WDR3: variants seen among roughly 807,000 people sequenced by gnomAD.
WDR3 encodes the protein WD repeat domain 3.
WDR3 carries 81 observed loss-of-function variants against 123.7 expected under a neutral mutation model. That is an observed-to-expected ratio of 0.65 (90% CI 0.55 to 0.79). The LOEUF (loss-of-function observed/expected upper bound fraction) is 0.79. WDR3 is among the 30% of genes least tolerant of loss of function. The probability of loss-of-function intolerance (pLI) is 0.00; values close to 1 mark genes in which losing one functional copy is unlikely to be tolerated. For missense variants in WDR3, 1,027 were observed against 1,123.2 expected, an observed-to-expected ratio of 0.91 and a Z score of 1.22; for synonymous variants, 390 against 388.8, an observed-to-expected ratio of 1.00 and a Z score of -0.04.
In WDR3 at chr1:117,966,461, A is replaced by C; in HGVS notation, c.*7014A>C. The stretch of plus-strand genomic sequence containing the variant: ...ATTTGGCTAGGTGCTTTCAAAGATG[A>C]ATGAAGATGCTCTTTGTCTTAATAA... On this transcript the variant is annotated 3_prime_UTR_variant, in exon 27 of 27. Coordinates refer to ENST00000349139, the MANE Select transcript of WDR3 (RefSeq NM_006784.3). The C allele has an allele frequency of 1.3e-6, 1 of 767,194 alleles. No homozygotes were observed. Among genetic ancestry groups the C allele is most frequent in the Non-Finnish European group, 1.9e-6 (1 of 519,772 alleles). 47.5% of individuals were successfully genotyped at this position (767,194 alleles called of 1,614,324 possible). A position where few individuals can be genotyped will look rare whatever the true frequency, so the allele number is the denominator to read the frequency against.
chr1:117,956,417 C>G (rs1360109940), intron 24 of WDR3, among the ~76,000 whole-genome samples: 2 of 152,086 alleles, frequency 1.3e-5, no homozygotes, highest in Non-Finnish European at 2.9e-5. Context: ...ATATTCCTTA[C>G]AAGAAACAAC....
intron 6 of WDR3, among the ~76,000 whole-genome samples, chr1:117,939,834 C>G (rs1651078526): frequency 6.6e-6 from 1 of 152,156 alleles, no homozygotes; most frequent in African/African-American, 2.4e-5. Flanking sequence ...TATTCTTGGA[C>G]CTTTGGGTGT....
intron 1 of WDR3, among the ~76,000 whole-genome samples, chr1:117,931,304 T>A (rs949294235): frequency 5.3e-5 from 8 of 152,376 alleles, no homozygotes; most frequent in African/African-American, 1.9e-4. Context: ...TAGCTCGGTT[T>A]CATTAATTGC....
intron 5 of WDR3, 109 bp downstream of exon 5, chr1:117,938,667 T>A: frequency 1.1e-6 from 1 of 897,262 alleles, no homozygotes; most frequent in Non-Finnish European, 1.7e-6. Context: ...ACACAGTAAT[T>A]ATCATATGCC....
chr1:117,947,877 T>G (rs1457706572), intron 12 of WDR3, among the ~76,000 whole-genome samples: 1 of 152,156 alleles, frequency 6.6e-6, no homozygotes, highest in Non-Finnish European at 1.5e-5. Flanking sequence ...TTGCTTTCTA[T>G]GCCATTATGA....
chr1:117,933,687 C>T (rs1650817091), intron 2 of WDR3, 197 bp downstream of exon 2: 1 of 677,156 alleles, frequency 1.5e-6, no homozygotes, highest in Non-Finnish European at 2.6e-6. Flanking sequence ...TTCTGAAAAC[C>T]ACAATGAAAT....
chr1:117,946,122 A>G lies in WDR3; in HGVS notation c.1365A>G (p.Glu455=). The change falls in exon 12 of 27, where the codon GAA becomes GAG. Residue 455 remains glutamate, a synonymous_variant. Coordinates refer to ENST00000349139, the MANE Select transcript of WDR3 (RefSeq NM_006784.3). ...AGTGTATTCGCACAATGACCTGTGAATATGCACTTTGCTCATTCTTTGTAC... is the reference window on the plus strand; with the variant it reads ...AGTGTATTCGCACAATGACCTGTGAGTATGCACTTTGCTCATTCTTTGTAC... The part of the protein sequence containing the change: ...TLQCIRTMTC[E]YALCSFFVPG... 1.2e-6 allele frequency: 2 copies of G among 1,613,300 alleles called. No homozygotes were observed. The highest frequency in any genetic ancestry group is 1.7e-6 in the Non-Finnish European group (2 of 1,179,508).
chr1:117,948,529 C>G, intron 13 of WDR3, 23 bp downstream of exon 13: 1 of 1,594,904 alleles, frequency 6.3e-7, no homozygotes, highest in East Asian at 2.2e-5. Flanking sequence ...GATTTTAAAG[C>G]CCTGGAGTTC....
In WDR3 at chr1:117,933,280, A is replaced by G. The variant is rs757990553; in HGVS notation, c.-32-8A>G. 1.9e-6 allele frequency: 3 copies of G among 1,608,764 alleles called. No individual in the cohort carries two copies. The highest frequency in any genetic ancestry group is 2.7e-5 in the African/African-American group (2 of 74,886). On this transcript the variant is annotated splice_region_variant and splice_polypyrimidine_tract_variant and intron_variant, in intron 1 of 26. Transcript: ENST00000349139. The stretch of plus-strand genomic sequence containing the variant: ...AAGGAGCTGAGTTTTCTTTGTTTAT[A>G]TGCACAGATTGCTTCACCTGTGGTA...
intron 4 of WDR3, among the ~76,000 whole-genome samples, chr1:117,937,503 A>T (rs556273013): frequency 6.6e-6 from 1 of 152,338 alleles, no homozygotes; most frequent in South Asian, 2.1e-4. Context: ...TAAATGCTTT[A>T]CCAATGGTGG....
At chr1:117,953,063 A>G (rs771793788) in intron 20 of WDR3, 67 bp downstream of exon 20, 27 of 1,529,514 alleles carry the variant, frequency 1.8e-5, no homozygotes, top group Non-Finnish European at 2.4e-5. Flanking sequence ...ATTGACTATA[A>G]TGTCCAGAAT....
In WDR3 at chr1:117,966,417, G is replaced by T; in HGVS notation, c.*6970G>T. The T allele has an allele frequency of 2.1e-6, 1 of 482,942 alleles. No homozygotes were observed. The highest frequency in any genetic ancestry group is 3.6e-6 in the Non-Finnish European group (1 of 279,386). 29.9% of individuals were successfully genotyped at this position (482,942 alleles called of 1,614,324 possible). ...TCTGAAGTTACTGCACATATACTATGTGTCAGGTATTTTTTTAGATTTGGC... is the reference window on the plus strand; with the variant it reads ...TCTGAAGTTACTGCACATATACTATTTGTCAGGTATTTTTTTAGATTTGGC... On this transcript the variant is annotated 3_prime_UTR_variant, in exon 27 of 27. Transcript: ENST00000349139.
At chr1:117,936,363 G>A (rs1332969935) in intron 3 of WDR3, among the ~76,000 whole-genome samples, 1 of 142,624 alleles carries the variant, frequency 7.0e-6, no homozygotes, top group African/African-American at 2.6e-5. Context: ...GAAACTAAAT[G>A]TCTGAAACAG....
At chr1:117,953,132 C>A in intron 20 of WDR3, 136 bp downstream of exon 20, 4 of 1,051,168 alleles carry the variant, frequency 3.8e-6, no homozygotes, top group South Asian at 3.4e-5. Flanking sequence ...GATAAAGAAT[C>A]TGTGTAATTC....
rs1346945555 is a variant in WDR3, at chr1:117,952,340, AC to A, written c.1949del (p.Thr650MetfsTer34). On this transcript the variant is annotated frameshift_variant, in exon 18 of 27. Transcript: ENST00000349139. LOFTEE classifies it high-confidence loss of function. Reference protein sequence around the residue: ...QFVPKSHLFFTAGKDHKIKQW... With the variant: ...QFVPKSHLFFXAGKDHKIKQW... ...TGTACCCAAGTCTCACCTCTTCTTC[AC>A]TGCCGGAAAAGATCATAAGATTAAA... The A allele has an allele frequency of 1.1e-5, 18 of 1,613,264 alleles. No individual in the cohort carries two copies. Among genetic ancestry groups the A allele is most frequent in the Non-Finnish European group, 1.5e-5 (18 of 1,179,534 alleles).
At chr1:117,959,114 A>G (rs1652656513) in intron 26 of WDR3, 111 bp downstream of exon 26, 1 of 1,287,142 alleles carries the variant, frequency 7.8e-7, no homozygotes, top group African/African-American at 1.5e-5. Context: ...CGATAAATCC[A>G]TATTTGAGAT....
intron 8 of WDR3, 107 bp from the exon 9 acceptor site, chr1:117,941,643 C>T (rs1651176803): frequency 2.9e-6 from 4 of 1,376,896 alleles, no homozygotes; most frequent in Non-Finnish European, 2.9e-6. Flanking sequence ...CAAGGTAATA[C>T]AACTACTAAG....
chr1:117,952,989 A>G lies in WDR3; in HGVS notation c.2195A>G (p.Gln732Arg). 1 of 1,613,132 alleles carries G rather than the reference A, an allele frequency of 6.2e-7. No individual in the cohort carries two copies. Among genetic ancestry groups the G allele is most frequent in the Non-Finnish European group, 8.5e-7 (1 of 1,179,336 alleles). The change falls in exon 20 of 27, where the codon CAA becomes CGA. Residue 732 changes from glutamine (Q) to arginine (R), a missense_variant. Coordinates refer to ENST00000349139, the MANE Select transcript of WDR3 (RefSeq NM_006784.3). ...GAGGAGAGTGTGGCCAAAGAAGACC[A>G]ACCAGCAGTAAGTAAATTTTGGGGA... ...EYEESVAKED[Q>R]PAVPGETQGD...
chr1:117,965,848 C>CTA lies in WDR3; in HGVS notation c.*6405_*6406dup, dbSNP rs2101438124. ...AACTTGACTCCAACCTACTTTCCCA[C>CTA]TATATTCCTAATACTCAAGCTTTTG... On this transcript the variant is annotated 3_prime_UTR_variant, in exon 27 of 27. Transcript: ENST00000349139. 6.6e-6 allele frequency: 1 copy of CTA among 152,322 alleles called. No homozygotes were observed. The allele number at this position is 152,322 out of a possible 1,614,324, so 9.4% of individuals were successfully genotyped here. A position where few individuals can be genotyped will look rare whatever the true frequency, so the allele number is the denominator to read the frequency against.
Sources: allele counts gnomAD v4.1 joint callset (sites outside exome capture counted in the v4.1 genomes callset), GRCh38; gene constraint gnomAD v4.1.1; transcripts MANE v1.5; gene names NCBI Gene and HGNC (gene_info 2026-07-23, HGNC 2026-07-21).